Variants in NTAQ1 observed in about 807,000 individuals in gnomAD.
The protein encoded by NTAQ1 is N-terminal glutamine amidase 1, also known as protein N-terminal glutamine amidohydrolase.
NTAQ1 carries 21 observed loss-of-function variants against 28.2 expected under a neutral mutation model. The observed-to-expected ratio is 0.74, with a 90% confidence interval of 0.53 to 1.07. The LOEUF (loss-of-function observed/expected upper bound fraction) is 1.07, where lower values mean the gene tolerates loss of function less well. Ranked by LOEUF, NTAQ1 falls within the 50% of genes least tolerant of loss-of-function variation. The probability of loss-of-function intolerance (pLI) is 0.00; values close to 1 mark genes in which losing one functional copy is unlikely to be tolerated. For missense variants in NTAQ1, 264 were observed against 256.6 expected (o/e 1.03, Z -0.20); for synonymous variants, 105 against 90.0 (o/e 1.17, Z -0.94).
At chr8:123,424,478 A>G (rs982089477) in intron 1 of NTAQ1, among the ~76,000 whole-genome samples, 5 of 152,020 alleles carry the variant, frequency 3.3e-5, no homozygotes, top group African/African-American at 4.8e-5. Flanking sequence ...GCCTGACCTC[A>G]TGATCCACCC....
At chr8:123,431,502 T>C (rs1329127147) in intron 3 of NTAQ1, among the ~76,000 whole-genome samples, 1 of 152,214 alleles carries the variant, frequency 6.6e-6, no homozygotes, top group African/African-American at 2.4e-5. Context: ...ATGTATATAT[T>C]GAGTGTGTTT....
At chr8:123,421,128 G>T (rs577677495) in intron 1 of NTAQ1, among the ~76,000 whole-genome samples, 1 of 152,170 alleles carries the variant, frequency 6.6e-6, no homozygotes, top group Non-Finnish European at 1.5e-5. Flanking sequence ...CTGTCACCCA[G>T]GCTGGAGTGC....
intron 5 of NTAQ1, chr8:123,438,030 T>C: frequency 1.6e-6 from 1 of 616,168 alleles, no homozygotes; most frequent in Non-Finnish European, 2.9e-6. Flanking sequence ...TGCATCCTTA[T>C]GATGTGTGAA....
chr8:123,470,585 G>T (rs935564891), downstream of NTAQ1, among the ~76,000 whole-genome samples: 1 of 152,174 alleles, frequency 6.6e-6, no homozygotes, highest in Non-Finnish European at 1.5e-5. Flanking sequence ...ACAACTTTTG[G>T]AGGCCAGACA....
chr8:123,468,190 G>A (rs75960109), exon 7 of NTAQ1, among the ~76,000 whole-genome samples: 2,578 of 152,240 alleles, frequency 0.017, 64 homozygotes, highest in African/African-American at 0.058. Context: ...CCTACCCTAA[G>A]CACCAATAAA....
chr8:123,429,192 A>G (rs13252340), intron 2 of NTAQ1, among the ~76,000 whole-genome samples: 55,052 of 152,020 alleles, frequency 0.36, 10,081 homozygotes, highest in East Asian at 0.56. Context: ...CCTATGAATA[A>G]TTAAATGGGA....
Position 123,440,392 on chromosome 8 carries a change from G to A in NTAQ1, c.509-914G>A, listed in dbSNP as rs79307403. Among the ~76,000 whole-genome samples, 838 of 150,610 alleles carry A rather than the reference G, an allele frequency of 5.6e-3. 13 individuals carry two copies. The highest frequency in any genetic ancestry group is 0.02 in the African/African-American group (807 of 41,022). ...GCTGGTCTCGAACTCCTGACCTCAA[G>A]TGATCCACCCCTCTTAGCTTCCCAA... On this transcript the variant is annotated intron_variant, in intron 5 of 5. Transcript: ENST00000287387.
intron 3 of NTAQ1, among the ~76,000 whole-genome samples, 186 bp from the exon 4 acceptor site, chr8:123,436,267 C>T (rs1172402033): frequency 1.3e-5 from 2 of 151,068 alleles, no homozygotes; most frequent in Non-Finnish European, 2.9e-5. Flanking sequence ...TTAACCATTT[C>T]CCTATCTGTG....
intron 6 of NTAQ1, among the ~76,000 whole-genome samples, chr8:123,456,860 G>T (rs1450783832): frequency 2.0e-5 from 3 of 152,012 alleles, no homozygotes; most frequent in African/African-American, 7.3e-5. Context: ...CTTTGACTTA[G>T]GAATTCGTCA....
At chr8:123,419,081 GTTTT>G (rs762479894) in intron 1 of NTAQ1, among the ~76,000 whole-genome samples, 1 of 119,920 alleles carries the variant, frequency 8.3e-6, no homozygotes, top group Non-Finnish European at 1.7e-5. Context: ...AGCTTTGGGG[GTTTT>G]TTTTTTTTTT....
At position 123,437,306 on chromosome 8, in the gene NTAQ1, G is replaced by T. The variant is rs373023368; in HGVS notation, c.480G>T (p.Pro160=). Residue 160 remains proline (P), a synonymous_variant, in exon 5 of 6, where the codon CCG becomes CCT. Coordinates refer to ENST00000287387, the MANE Select transcript of NTAQ1 (RefSeq NM_018024.3). The part of the protein sequence containing the change: ...KDSSGNWREP[P]PPYPCIETGD... Reference sequence around the variant, plus strand: ...CCAGTGGGAATTGGAGAGAGCCTCCGCCGCCATATCCCTGCATTGAGACTG... The same window carrying T: ...CCAGTGGGAATTGGAGAGAGCCTCCTCCGCCATATCCCTGCATTGAGACTG... The T allele has an allele frequency of 6.2e-7, 1 of 1,613,968 alleles. No individual in the cohort carries two copies. Among genetic ancestry groups the T allele is most frequent in the South Asian group, 1.1e-5 (1 of 91,076 alleles).
intron 3 of NTAQ1, among the ~76,000 whole-genome samples, chr8:123,431,574 C>A (rs115184382): frequency 6.6e-6 from 1 of 152,188 alleles, no homozygotes; most frequent in Non-Finnish European, 1.5e-5. Flanking sequence ...TTCTCAGTTT[C>A]GTTGCCAGCA....
At chr8:123,472,954 G>T (rs190119293), downstream of NTAQ1, among the ~76,000 whole-genome samples, 442 of 152,224 alleles carry the variant, frequency 2.9e-3, 5 homozygotes, top group African/African-American at 0.01. Flanking sequence ...ATCCAAGGAT[G>T]CCCTGGATAT....
At chr8:123,441,281 A>G (rs1815050166) in intron 5 of NTAQ1, 25 bp from the exon 6 acceptor site, 8 of 1,515,424 alleles carry the variant, frequency 5.3e-6, no homozygotes, top group Non-Finnish European at 7.2e-6. Flanking sequence ...TTCAGTGGAC[A>G]TTTTTTTTTC....
In NTAQ1 at chr8:123,430,040, C is replaced by G. The variant is rs768996184; in HGVS notation, c.234+7C>G. 4.0e-5 allele frequency: 64 copies of G among 1,610,366 alleles called. No individual in the cohort carries two copies. In the South Asian group the frequency reaches 6.9e-4, roughly 17 times the overall value. ...AGATGGACCTGTGATCTGGGTAAGA[C>G]AGTTAATACAGAGAGTATTGACGCA... On this transcript the variant is annotated splice_region_variant and intron_variant, in intron 3 of 5. Coordinates refer to ENST00000287387, the MANE Select transcript of NTAQ1 (RefSeq NM_018024.3).
intron 1 of NTAQ1, among the ~76,000 whole-genome samples, chr8:123,421,552 A>C (rs1490455811): frequency 2.9e-5 from 4 of 138,474 alleles, no homozygotes; most frequent in Non-Finnish European, 4.6e-5. Context: ...TCTGTTGCCC[A>C]GGGTGGAGTG....
chr8:123,432,930 T>G (rs1351252697), intron 3 of NTAQ1, among the ~76,000 whole-genome samples: 1 of 152,186 alleles, frequency 6.6e-6, no homozygotes, highest in Non-Finnish European at 1.5e-5. Context: ...TCCGCCCGCC[T>G]CGGCCTCCCA....
In NTAQ1 at chr8:123,428,039, A is replaced by T; in HGVS notation, c.183+16A>T. ...GAGGAAGATGGTAAGTTGGTGAGTG[A>T]TTGCAGAAAGAAAACAAGAGATTTA... On this transcript the variant is annotated intron_variant, in intron 2 of 5. Coordinates refer to ENST00000287387, the MANE Select transcript of NTAQ1 (RefSeq NM_018024.3). 6.5e-7 allele frequency: 1 copy of T among 1,546,734 alleles called. No individual in the cohort carries two copies. The highest frequency in any genetic ancestry group is 8.8e-7 in the Non-Finnish European group (1 of 1,140,748).
downstream of NTAQ1, among the ~76,000 whole-genome samples, chr8:123,446,514 G>A (rs1420067053): frequency 6.6e-6 from 1 of 151,690 alleles, no homozygotes; most frequent in Non-Finnish European, 1.5e-5. Context: ...CTCCTTTCTT[G>A]TCTTTGGAGC....
Sources: allele counts gnomAD v4.1 joint callset (sites outside exome capture counted in the v4.1 genomes callset), GRCh38; gene constraint gnomAD v4.1.1; transcripts MANE v1.5; gene names NCBI Gene and HGNC (gene_info 2026-07-23, HGNC 2026-07-21).